NPAS3: variants seen among roughly 807,000 people sequenced by gnomAD.
The protein encoded by NPAS3 is neuronal PAS domain-containing protein 3.
A neutral mutation model predicts 73.1 loss-of-function variants in NPAS3; 14 were observed. The observed-to-expected ratio is 0.19, with a 90% CI of 0.13 to 0.30. The LOEUF (loss-of-function observed/expected upper bound fraction) is 0.30, where lower values mean the gene tolerates loss of function less well. NPAS3 is among the 10% of genes least tolerant of loss of function. The pLI, the probability that NPAS3 is intolerant of heterozygous loss-of-function variation, is 1.00. For missense variants in NPAS3, 1,096 were observed against 1,250.0 expected (o/e 0.88, Z 1.86); for synonymous variants, 620 against 541.5 (o/e 1.14, Z -2.01).
chr14:33,644,879 G>A (rs1168493602), intron 5 of NPAS3, among the ~76,000 whole-genome samples: 1 of 152,058 alleles, frequency 6.6e-6, no homozygotes, highest in Non-Finnish European at 1.5e-5. Flanking sequence ...TCAGGGGTTT[G>A]AGACCAGCCT....
chr14:33,423,053 A>T (rs1418150582), intron 4 of NPAS3, among the ~76,000 whole-genome samples: 1 of 152,036 alleles, frequency 6.6e-6, no homozygotes, highest in African/African-American at 2.4e-5. Context: ...AAACAACTAC[A>T]TGTAGTTATA....
At chr14:33,211,546 T>G (rs1438393317) in intron 2 of NPAS3, among the ~76,000 whole-genome samples, 1 of 152,158 alleles carries the variant, frequency 6.6e-6, no homozygotes, top group Admixed American at 6.5e-5. Context: ...AGAGTGGGAC[T>G]CCATCTCAAA....
rs563992531 is a variant in NPAS3, at chr14:33,570,291, T to C, written c.558+10081T>C. ...TGCCAAGTGCAATGGGAATGTTGCT[T>C]GCAACTTGGTCATCTGGAAGAGGAA... On this transcript the variant is annotated intron_variant, in intron 5 of 11. Transcript: ENST00000356141. 2.0e-5 allele frequency among the ~76,000 whole-genome samples: 3 copies of C among 152,308 alleles called. No individual in the cohort carries two copies. In the East Asian group the frequency reaches 5.8e-4, roughly 29 times the overall value.
At chr14:33,150,353 T>C (rs962868762) in intron 2 of NPAS3, among the ~76,000 whole-genome samples, 12 of 152,238 alleles carry the variant, frequency 7.9e-5, no homozygotes, top group Admixed American at 7.2e-4. Flanking sequence ...TGATGTCACA[T>C]GTCAGAATGA....
intron 2 of NPAS3, among the ~76,000 whole-genome samples, chr14:33,197,267 G>GTGTGTGTGTGTGTGTGTGTGTGTGTGTT (rs1555353807): frequency 2.7e-5 from 4 of 148,722 alleles, no homozygotes; most frequent in African/African-American, 7.6e-5. Context: ...GTGTGTGTGT[G>GTGTGTGTGTGTGTGTGTGTGTGTGTGTT]TTCTTTTTCA....
chr14:33,026,604 A>G (rs1028035954), intron 1 of NPAS3, among the ~76,000 whole-genome samples: 5 of 152,006 alleles, frequency 3.3e-5, no homozygotes, highest in African/African-American at 1.2e-4. Context: ...TGGAGAGCTA[A>G]GGAGGAATCA....
chr14:33,388,286 C>G (rs2046855024), intron 4 of NPAS3, among the ~76,000 whole-genome samples: 1 of 151,858 alleles, frequency 6.6e-6, no homozygotes, highest in Non-Finnish European at 1.5e-5. Context: ...TAAAACATCC[C>G]CTGCCTTCAA....
intron 2 of NPAS3, among the ~76,000 whole-genome samples, chr14:33,124,556 T>A (rs935138428): frequency 4.3e-4 from 66 of 152,078 alleles, no homozygotes; most frequent in African/African-American, 1.5e-3. Flanking sequence ...GTACTAGATA[T>A]TTTTATTGCT....
intron 9 of NPAS3, among the ~76,000 whole-genome samples, chr14:33,792,205 GGA>G (rs1317433634): frequency 6.6e-6 from 1 of 152,150 alleles, no homozygotes; most frequent in Non-Finnish European, 1.5e-5. Flanking sequence ...GCCTACAAAA[GGA>G]GAGTACAATG....
chr14:33,631,981 C>T (rs1274557424), intron 5 of NPAS3, among the ~76,000 whole-genome samples: 1 of 152,118 alleles, frequency 6.6e-6, no homozygotes, highest in Non-Finnish European at 1.5e-5. Flanking sequence ...TGCTGCCCAG[C>T]TAGTAGTAGT....
At chr14:33,242,376 T>C (rs1167676148) in intron 3 of NPAS3, among the ~76,000 whole-genome samples, 1 of 152,034 alleles carries the variant, frequency 6.6e-6, no homozygotes, top group East Asian at 1.9e-4. Context: ...ACCTGTCCCG[T>C]TTTTTCCCTT....
chr14:33,131,927 G>A (rs1053853505), intron 2 of NPAS3, among the ~76,000 whole-genome samples: 2 of 152,102 alleles, frequency 1.3e-5, no homozygotes, highest in African/African-American at 4.8e-5. Context: ...GTGGAGAGCT[G>A]GTTCTTTAGG....
chr14:33,103,049 A>C (rs2042622950), intron 2 of NPAS3, among the ~76,000 whole-genome samples: 1 of 152,174 alleles, frequency 6.6e-6, no homozygotes, highest in African/African-American at 2.4e-5. Flanking sequence ...ACTAGTGGTA[A>C]GTTTATAAGG....
chr14:33,446,739 C>G (rs910975363), intron 4 of NPAS3, among the ~76,000 whole-genome samples: 7 of 151,968 alleles, frequency 4.6e-5, no homozygotes, highest in African/African-American at 1.7e-4. Context: ...ATCTTTATGA[C>G]TTTCTGTCAG....
At chr14:33,769,766 T>C (rs867015998) in intron 7 of NPAS3, among the ~76,000 whole-genome samples, 5,408 of 115,706 alleles carry the variant, frequency 0.047, 358 homozygotes, top group African/African-American at 0.15. Context: ...CTTTTTTTTT[T>C]TTTTTTTTTT....
intron 4 of NPAS3, among the ~76,000 whole-genome samples, chr14:33,402,585 CA>C (rs1251956365): frequency 6.6e-6 from 1 of 152,132 alleles, no homozygotes; most frequent in Admixed American, 6.6e-5. Context: ...GTGCCTCCAC[CA>C]GACTTTCAGA....
At chr14:33,777,783 G>A (rs929378909) in intron 8 of NPAS3, among the ~76,000 whole-genome samples, 1 of 152,184 alleles carries the variant, frequency 6.6e-6, no homozygotes, top group African/African-American at 2.4e-5. Context: ...CAGTGACAGA[G>A]GCTTTTACAC....
At chr14:33,308,437 A>C (rs1249170915) in intron 3 of NPAS3, among the ~76,000 whole-genome samples, 1 of 151,434 alleles carries the variant, frequency 6.6e-6, no homozygotes, top group Non-Finnish European at 1.5e-5. Context: ...ACAGGTATTC[A>C]GTTCTGAAGA....
At chr14:33,432,830 A>C (rs2048837924) in intron 4 of NPAS3, among the ~76,000 whole-genome samples, 2 of 152,244 alleles carry the variant, frequency 1.3e-5, no homozygotes, top group Admixed American at 1.3e-4. Flanking sequence ...ACTGTACATC[A>C]GCATATTCCC....
Sources: gnomAD v4.1 joint callset for allele counts (sites outside exome capture counted in the v4.1 genomes callset) on GRCh38, gnomAD v4.1.1 for gene constraint, MANE v1.5 for transcripts, NCBI Gene and HGNC (gene_info 2026-07-23, HGNC 2026-07-21) for gene names.